The following MTX2 variants were observed in gnomAD, a reference collection of about 807,000 sequenced individuals.
MTX2 encodes the protein metaxin-2.
A neutral mutation model predicts 42.3 loss-of-function variants in MTX2; 35 were observed. The ratio of observed to expected loss-of-function variants is 0.83; its 90% confidence interval spans 0.63 to 1.10. MTX2 has a LOEUF of 1.10. Ranked by LOEUF, MTX2 falls within the 50% of genes least tolerant of loss-of-function variation. MTX2 has a pLI of 0.00. For missense variants in MTX2, 307 were observed against 304.1 expected, an observed-to-expected ratio of 1.01 and a Z score of -0.07; for synonymous variants, 119 against 100.9, an observed-to-expected ratio of 1.18 and a Z score of -1.08.
intron 3 of MTX2, among the ~76,000 whole-genome samples, chr2:176,319,862 A>G (rs1180680712): frequency 1.3e-5 from 2 of 151,954 alleles, no homozygotes; most frequent in African/African-American, 4.8e-5. Context: ...GCATGAGCCA[A>G]AAATTTTTAA....
chr2:176,297,845 A>G lies in MTX2; in HGVS notation c.89-4A>G. ...AACATTTATGCTTCATTGTATTTCCACAGGGGAGCAAATTTTACTTTCTGA... is the reference window on the plus strand; with the variant it reads ...AACATTTATGCTTCATTGTATTTCCGCAGGGGAGCAAATTTTACTTTCTGA... On this transcript the variant is annotated splice_polypyrimidine_tract_variant and splice_region_variant and intron_variant, in intron 2 of 9. Transcript: ENST00000249442. 6.4e-7 allele frequency: 1 copy of G among 1,556,386 alleles called. No individual in the cohort carries two copies. Among genetic ancestry groups the G allele is most frequent in the Non-Finnish European group, 8.7e-7 (1 of 1,146,650 alleles).
At chr2:176,303,957 T>C (rs1204881355) in intron 3 of MTX2, among the ~76,000 whole-genome samples, 1 of 152,004 alleles carries the variant, frequency 6.6e-6, no homozygotes, top group Non-Finnish European at 1.5e-5. Context: ...GCAAGCAGGA[T>C]TTTATAGTTT....
At chr2:176,333,263 G>T (rs1468389997) in intron 9 of MTX2, among the ~76,000 whole-genome samples, 1 of 151,516 alleles carries the variant, frequency 6.6e-6, no homozygotes, top group African/African-American at 2.4e-5. Context: ...AAGCAGAAGG[G>T]TAGAAAGTTG....
chr2:176,329,055 G>A (rs1684790272), intron 7 of MTX2, 143 bp downstream of exon 7: 3 of 884,630 alleles, frequency 3.4e-6, no homozygotes, highest in African/African-American at 1.7e-5. Context: ...AATTTTGCTT[G>A]CACATAACAT....
intron 9 of MTX2, among the ~76,000 whole-genome samples, chr2:176,331,458 A>C (rs1195608647): frequency 6.6e-6 from 1 of 151,164 alleles, no homozygotes; most frequent in Non-Finnish European, 1.5e-5. Context: ...TTTATTTGCT[A>C]TTATGTGTTA....
intron 5 of MTX2, among the ~76,000 whole-genome samples, chr2:176,327,170 G>T (rs1684728108): frequency 6.6e-6 from 1 of 151,148 alleles, no homozygotes. Context: ...CAAAATGGTA[G>T]ATAATTTTCT....
At chr2:176,314,747 A>G (rs1684397013) in intron 3 of MTX2, among the ~76,000 whole-genome samples, 1 of 152,158 alleles carries the variant, frequency 6.6e-6, no homozygotes, top group African/African-American at 2.4e-5. Flanking sequence ...TGGTTCCTTC[A>G]TGTGTAACTT....
intron 1 of MTX2, among the ~76,000 whole-genome samples, chr2:176,275,762 G>T (rs1692932376): frequency 6.6e-6 from 1 of 152,098 alleles, no homozygotes; most frequent in African/African-American, 2.4e-5. Context: ...ATTTGGAGCA[G>T]CCAAAAGGGT....
chr2:176,293,496 C>T (rs1052006128), intron 1 of MTX2, among the ~76,000 whole-genome samples: 3 of 152,048 alleles, frequency 2.0e-5, no homozygotes, highest in Non-Finnish European at 2.9e-5. Context: ...GGGTGGATCC[C>T]TCATGAATGG....
intron 3 of MTX2, among the ~76,000 whole-genome samples, chr2:176,301,284 T>C (rs1340113507): frequency 6.6e-6 from 1 of 152,148 alleles, no homozygotes; most frequent in African/African-American, 2.4e-5. Context: ...TTTAAAGATG[T>C]GGAAACTGAA....
intron 3 of MTX2, among the ~76,000 whole-genome samples, chr2:176,305,922 TA>T (rs1333226794): frequency 1.3e-5 from 2 of 152,170 alleles, no homozygotes; most frequent in Admixed American, 6.5e-5. Flanking sequence ...TCATTATTAT[TA>T]TTTTTTATAC....
chr2:176,334,174 T>A (rs2689950), intron 9 of MTX2, among the ~76,000 whole-genome samples: 2,026 of 151,910 alleles, frequency 0.013, 38 homozygotes, highest in African/African-American at 0.046. Flanking sequence ...GGGGTACTTC[T>A]GGAGCACTCT....
At chr2:176,295,276 G>A (rs1272597486) in intron 1 of MTX2, among the ~76,000 whole-genome samples, 1 of 152,026 alleles carries the variant, frequency 6.6e-6, no homozygotes, top group Non-Finnish European at 1.5e-5. Context: ...ATTTTATAAC[G>A]AATCTCATTG....
intron 4 of MTX2, among the ~76,000 whole-genome samples, chr2:176,325,096 A>C (rs2105441365): frequency 6.6e-6 from 1 of 151,822 alleles, no homozygotes; most frequent in Non-Finnish European, 1.5e-5. Flanking sequence ...CACTTCTCTG[A>C]GCCTCAGTGA....
At chr2:176,306,519 CCCA>C (rs1386998214) in intron 3 of MTX2, among the ~76,000 whole-genome samples, 1 of 152,192 alleles carries the variant, frequency 6.6e-6, no homozygotes, top group Non-Finnish European at 1.5e-5. Flanking sequence ...AATTTACACT[CCCA>C]CCAACAGTGT....
intron 9 of MTX2, among the ~76,000 whole-genome samples, chr2:176,332,041 A>T (rs1381912046): frequency 6.6e-6 from 1 of 151,202 alleles, no homozygotes; most frequent in Non-Finnish European, 1.5e-5. Context: ...GCACAATTAC[A>T]TTTACACTTG....
chr2:176,272,713 T>A (rs1190004273), intron 1 of MTX2, among the ~76,000 whole-genome samples: 1 of 152,152 alleles, frequency 6.6e-6, no homozygotes. Context: ...TAAACATACA[T>A]ATGTTTATAT....
intron 7 of MTX2, 71 bp from the exon 8 acceptor site, chr2:176,329,230 G>T: frequency 1.4e-6 from 2 of 1,474,822 alleles, no homozygotes; most frequent in South Asian, 1.4e-5. Context: ...ATTTCTTTTA[G>T]AATTCTATTT....
rs1684845392 is a variant in MTX2 at position 176,330,780 on chromosome 2, CAA to C, written c.620+122_620+123del. The C allele has an allele frequency of 7.0e-6, 5 of 710,248 alleles. No individual in the cohort carries two copies. The Admixed American group carries it at 7.4e-5, about 11-fold the overall frequency. 44.0% of individuals were successfully genotyped at this position (710,248 alleles called of 1,614,324 possible). ...TAGCTATTTTTATAATTTTTGTACT[CAA>C]ATATTTTTGTGGCACTTTACTCTCA... On this transcript the variant is annotated intron_variant, in intron 9 of 9. Coordinates refer to ENST00000249442, the MANE Select transcript of MTX2 (RefSeq NM_006554.5).
Sources: allele counts gnomAD v4.1 joint callset (sites outside exome capture counted in the v4.1 genomes callset), GRCh38; gene constraint gnomAD v4.1.1; transcripts MANE v1.5; gene names NCBI Gene and HGNC (gene_info 2026-07-23, HGNC 2026-07-21).